The following CIRSR variants were observed in gnomAD, a reference collection of about 807,000 sequenced individuals.
CIRSR encodes the protein CBF1 (RBPJ) interacting corepressor 1.
the CIRSR span, chr2:174,348,326 T>C: frequency 9.9e-7 from 1 of 1,007,130 alleles, no homozygotes; most frequent in Non-Finnish European, 1.4e-6. Flanking sequence ...AGTACTCATG[T>C]AGTTTTGTAC....
At chr2:174,391,957 G>A in the CIRSR span, among the ~76,000 whole-genome samples, 4 of 152,276 alleles carry the variant, frequency 2.6e-5, no homozygotes, top group Non-Finnish European at 5.9e-5. Context: ...GGGCTGGAGA[G>A]AGGGAGAAGA....
At chr2:174,349,013 C>T in the CIRSR span, 2 of 1,598,036 alleles carry the variant, frequency 1.3e-6, no homozygotes, top group Admixed American at 1.7e-5. Context: ...TACTCTCACT[C>T]TCACTACTGC....
the CIRSR span, among the ~76,000 whole-genome samples, chr2:174,391,122 GGGCACTTAA>G: frequency 6.6e-6 from 1 of 152,080 alleles, no homozygotes; most frequent in Non-Finnish European, 1.5e-5. Context: ...CTGTATAAAT[GGGCACTTAA>G]GAAATTTCCA....
At chr2:174,377,849 C>CAAAAAAAAAAAAAAAAAAAAAAAAAAAAA in the CIRSR span, among the ~76,000 whole-genome samples, 1 of 110,324 alleles carries the variant, frequency 9.1e-6, no homozygotes. Flanking sequence ...AAAAAAAAAC[C>CAAAAAAAAAAAAAAAAAAAAAAAAAAAAA]AAACTTATTC....
chr2:174,393,105 G>C, the CIRSR span, among the ~76,000 whole-genome samples: 5 of 152,192 alleles, frequency 3.3e-5, no homozygotes, highest in African/African-American at 1.2e-4. Context: ...CTAGAAGAGA[G>C]TAGTTATTAC....
the CIRSR span, among the ~76,000 whole-genome samples, chr2:174,389,654 G>A: frequency 6.6e-6 from 1 of 152,136 alleles, no homozygotes; most frequent in Non-Finnish European, 1.5e-5. Flanking sequence ...CCAAGACAAG[G>A]GAAAATGTCT....
the CIRSR span, among the ~76,000 whole-genome samples, chr2:174,354,724 TATATA>T: frequency 9.4e-6 from 1 of 106,028 alleles, no homozygotes; most frequent in African/African-American, 3.7e-5. Flanking sequence ...TAATATATAT[TATATA>T]ATATATATTT....
the CIRSR span, among the ~76,000 whole-genome samples, chr2:174,359,468 T>G: frequency 1.3e-5 from 2 of 152,192 alleles, no homozygotes; most frequent in Non-Finnish European, 2.9e-5. Context: ...GAATTCAAAC[T>G]TACATATCCC....
At chr2:174,366,776 C>T in the CIRSR span, among the ~76,000 whole-genome samples, 2 of 152,092 alleles carry the variant, frequency 1.3e-5, no homozygotes, top group Non-Finnish European at 2.9e-5. Flanking sequence ...ATAAGGGATG[C>T]GAGGGAGCTA....
chr2:174,383,486 G>A, the CIRSR span, among the ~76,000 whole-genome samples: 1 of 152,048 alleles, frequency 6.6e-6, no homozygotes, highest in Non-Finnish European at 1.5e-5. Context: ...TTGGGAGGCT[G>A]AGGCGGGTGG....
At chr2:174,375,199 C>A in the CIRSR span, among the ~76,000 whole-genome samples, 1 of 152,092 alleles carries the variant, frequency 6.6e-6, no homozygotes, top group African/African-American at 2.4e-5. Flanking sequence ...AAATAAATTA[C>A]TGGAGGGCAA....
At chr2:174,374,707 A>G in the CIRSR span, among the ~76,000 whole-genome samples, 1 of 152,168 alleles carries the variant, frequency 6.6e-6, no homozygotes, top group South Asian at 2.1e-4. Flanking sequence ...ACAGCTCCTC[A>G]GTCTGTGTGC....
chr2:174,377,439 T>C, the CIRSR span, among the ~76,000 whole-genome samples: 2 of 152,198 alleles, frequency 1.3e-5, no homozygotes. Flanking sequence ...TGTCAGAGAT[T>C]GCCAGACCTG....
At chr2:174,392,336 T>C in the CIRSR span, among the ~76,000 whole-genome samples, 1 of 152,202 alleles carries the variant, frequency 6.6e-6, no homozygotes, top group Non-Finnish European at 1.5e-5. Context: ...TCTAAAATTG[T>C]TTGTGGTAAT....
chr2:174,348,553 T>C, the CIRSR span: 7 of 1,614,168 alleles, frequency 4.3e-6, no homozygotes, highest in Non-Finnish European at 5.9e-6. Flanking sequence ...CTGTACATTT[T>C]TTCTCCTCTA....
chr2:174,368,719 A>C, the CIRSR span, among the ~76,000 whole-genome samples: 1 of 152,160 alleles, frequency 6.6e-6, no homozygotes, highest in East Asian at 1.9e-4. Context: ...TGTAATAAGG[A>C]ATTTGGCTGG....
the CIRSR span, among the ~76,000 whole-genome samples, chr2:174,374,502 G>C: frequency 6.6e-6 from 1 of 152,166 alleles, no homozygotes; most frequent in East Asian, 1.9e-4. Context: ...TGTGCAAGAT[G>C]TCAAATACAG....
chr2:174,395,445 C>T, the CIRSR span: 1 of 1,116,302 alleles, frequency 9.0e-7, no homozygotes, highest in Non-Finnish European at 1.4e-6. Flanking sequence ...CCTAGAGAAG[C>T]GGAGGCTGTC....
chr2:174,377,514 T>C, the CIRSR span, among the ~76,000 whole-genome samples: 1 of 152,064 alleles, frequency 6.6e-6, no homozygotes, highest in African/African-American at 2.4e-5. Flanking sequence ...ATAGTTTCCT[T>C]CTACTTAAAA....
Sources: allele counts gnomAD v4.1 joint callset (sites outside exome capture counted in the v4.1 genomes callset), GRCh38; gene constraint gnomAD v4.1.1; transcripts MANE v1.5; gene names NCBI Gene and HGNC (gene_info 2026-07-23, HGNC 2026-07-21).